Variants in PARD3B observed in about 807,000 individuals in gnomAD.
PARD3B encodes the protein par-3 family cell polarity regulator beta.
Under a neutral mutation model 130.2 loss-of-function variants are expected in PARD3B, and 103 were observed. The ratio of observed to expected loss-of-function variants is 0.79; its 90% confidence interval spans 0.67 to 0.93. The LOEUF is 0.93. PARD3B is among the 40% of genes least tolerant of loss of function. PARD3B has a pLI of 0.00. For missense variants in PARD3B, 1,609 were observed against 1,499.2 expected (o/e 1.07, Z -1.21); for synonymous variants, 583 against 553.2 (o/e 1.05, Z -0.76).
chr2:205,331,264 T>TA (rs1439036182), intron 18 of PARD3B, among the ~76,000 whole-genome samples: 18 of 43,056 alleles, frequency 4.2e-4, no homozygotes, highest in South Asian at 1.2e-3. Context: ...GCACATATAT[T>TA]CCACACACAC....
At chr2:205,507,007 G>C (rs1360761884) in intron 21 of PARD3B, among the ~76,000 whole-genome samples, 3 of 151,858 alleles carry the variant, frequency 2.0e-5, no homozygotes, top group Non-Finnish European at 4.4e-5. Flanking sequence ...ATTCTCAAGG[G>C]GCTACCTGAG....
rs562580533 is a variant in PARD3B at position 205,347,804 on chromosome 2, G to C, written c.2630+46103G>C. ...TGCCTGGTGATTTAGGAAGACGTGG[G>C]GAGTATTTGTAAACAAAGGAAGCTT... On this transcript the variant is annotated intron_variant, in intron 18 of 22. Transcript: ENST00000406610. 8.5e-5 allele frequency: 13 copies of C among 152,248 alleles called. No individual in the cohort carries two copies. In the South Asian group the frequency reaches 2.7e-3, roughly 32 times the overall value. The allele number at this position is 152,248 out of a possible 1,614,324, so 9.4% of individuals were successfully genotyped here.
At chr2:205,025,162 G>C (rs1696920452) in intron 3 of PARD3B, among the ~76,000 whole-genome samples, 1 of 152,164 alleles carries the variant, frequency 6.6e-6, no homozygotes, top group East Asian at 1.9e-4. Context: ...CCGATTTTAG[G>C]TCGGGCAAGA....
chr2:205,001,107 G>C (rs1004828583), intron 3 of PARD3B, among the ~76,000 whole-genome samples: 1 of 152,110 alleles, frequency 6.6e-6, no homozygotes, highest in South Asian at 2.1e-4. Context: ...TCCTGCCTCA[G>C]CCTCCCTAGT....
rs558684025 is a variant in PARD3B at position 204,924,239 on chromosome 2, A to G, written c.223-40913A>G. ...GAGAAAGGTTACCCAAGGATAACAT[A>G]GAACTAAAACATCATGGCTTTCACT... On this transcript the variant is annotated intron_variant, in intron 2 of 22. Transcript: ENST00000406610. 2.1e-3 allele frequency among the ~76,000 whole-genome samples: 326 copies of G among 152,172 alleles called. 1 individual carries two copies. Among genetic ancestry groups the G allele is most frequent in the Non-Finnish European group, 3.9e-3 (266 of 67,946 alleles).
intron 20 of PARD3B, among the ~76,000 whole-genome samples, chr2:205,469,665 C>T (rs1270244937): frequency 6.6e-6 from 1 of 152,188 alleles, no homozygotes; most frequent in East Asian, 1.9e-4. Context: ...TTGTAAATCT[C>T]TTCCTCACAC....
intron 2 of PARD3B, among the ~76,000 whole-genome samples, chr2:204,941,489 TG>T (rs1688901758): frequency 6.6e-6 from 1 of 152,252 alleles, no homozygotes; most frequent in Non-Finnish European, 1.5e-5. Context: ...ACTGGAATTT[TG>T]TTTTGTTTTC....
At chr2:204,667,927 G>T (rs2036100601) in intron 1 of PARD3B, among the ~76,000 whole-genome samples, 1 of 152,140 alleles carries the variant, frequency 6.6e-6, no homozygotes, top group Admixed American at 6.6e-5. Context: ...ATAAGAAAAA[G>T]TATGCCTAAC....
chr2:204,834,198 T>C (rs1029941833), intron 2 of PARD3B, among the ~76,000 whole-genome samples: 7 of 152,226 alleles, frequency 4.6e-5, no homozygotes, highest in African/African-American at 1.4e-4. Context: ...TTTTTATGTA[T>C]TTATTTGTGA....
chr2:205,137,302 A>C (rs190376213), intron 10 of PARD3B, among the ~76,000 whole-genome samples: 8 of 152,224 alleles, frequency 5.3e-5, no homozygotes, highest in African/African-American at 1.9e-4. Flanking sequence ...AGAAGAGAAA[A>C]AAGTTCCAGA....
chr2:204,846,493 C>T (rs561154250), intron 2 of PARD3B, among the ~76,000 whole-genome samples: 4 of 151,696 alleles, frequency 2.6e-5, no homozygotes, highest in African/African-American at 7.3e-5. Flanking sequence ...AAAGTTCATA[C>T]GTTGAAGCAT....
In PARD3B at chr2:205,590,474, G is replaced by A. The variant is rs559908378; in HGVS notation, c.3261-24982G>A. ...GATCATCTCAGGTTGCTTTTATCGC[G>A]GTATGTTTTTAACCATACACAATCA... On this transcript the variant is annotated intron_variant, in intron 22 of 22. Transcript: ENST00000406610. The surrounding 1 kb of genome is among the most constrained non-coding windows in gnomAD (Gnocchi z 4.1). Among the ~76,000 whole-genome samples the A allele has an allele frequency of 1.2e-4, 19 of 152,196 alleles. No individual in the cohort carries two copies. Among genetic ancestry groups the A allele is most frequent in the Non-Finnish European group, 2.4e-4 (16 of 68,014 alleles).
intron 2 of PARD3B, among the ~76,000 whole-genome samples, chr2:204,814,227 A>T (rs557790440): frequency 7.2e-5 from 11 of 151,988 alleles, no homozygotes; most frequent in African/African-American, 2.2e-4. Flanking sequence ...TATTGTACAT[A>T]TATTGCTTTT....
rs959169801 is a variant in PARD3B at position 205,544,132 on chromosome 2, G to T, written c.3181-9192G>T. Among the ~76,000 whole-genome samples the T allele has an allele frequency of 2.0e-5, 3 of 152,218 alleles. No individual in the cohort carries two copies. In the East Asian group the frequency reaches 5.8e-4, roughly 30 times the overall value. ...ATGAAACAGAAACTGAATTTAGTAAGTACTAGATATTAGCATCTAGTGATT... is the reference window on the plus strand; with the variant it reads ...ATGAAACAGAAACTGAATTTAGTAATTACTAGATATTAGCATCTAGTGATT... On this transcript the variant is annotated intron_variant, in intron 21 of 22. Transcript: ENST00000406610.
chr2:205,445,040 G>A (rs1035904075), intron 20 of PARD3B, among the ~76,000 whole-genome samples: 1 of 152,164 alleles, frequency 6.6e-6, no homozygotes, highest in Admixed American at 6.5e-5. Flanking sequence ...CAGAGTTATA[G>A]AATGGAAAAG....
At chr2:204,668,445 T>G (rs1312006460) in intron 1 of PARD3B, among the ~76,000 whole-genome samples, 1 of 152,194 alleles carries the variant, frequency 6.6e-6, no homozygotes, top group African/African-American at 2.4e-5. Flanking sequence ...TTTCCTTGAG[T>G]AAGATTCTCC....
intron 3 of PARD3B, among the ~76,000 whole-genome samples, chr2:205,030,743 A>C (rs13418029): frequency 0.077 from 11,691 of 152,202 alleles, 526 homozygotes; most frequent in Middle Eastern, 0.24. Context: ...AAGAGCTTAT[A>C]AAATTAGTAT....
rs555449154 is a variant in PARD3B at position 205,477,040 on chromosome 2, A to G, written c.3045-22856A>G. Reference sequence around the variant, plus strand: ...GATTCTATGTGAAGATGCACTTCAAACAAAATTCAGTAACTACATGTCTGG... The same window carrying G: ...GATTCTATGTGAAGATGCACTTCAAGCAAAATTCAGTAACTACATGTCTGG... On this transcript the variant is annotated intron_variant, in intron 20 of 22. Coordinates refer to ENST00000406610, the MANE Select transcript of PARD3B (RefSeq NM_001302769.2). Among the ~76,000 whole-genome samples the G allele has an allele frequency of 2.2e-4, 33 of 152,328 alleles. 1 individual carries two copies. Among genetic ancestry groups the G allele is most frequent in the South Asian group, 2.1e-4 (1 of 4,824 alleles).
chr2:204,896,729 G>A (rs1271284437), intron 2 of PARD3B, among the ~76,000 whole-genome samples: 1 of 152,174 alleles, frequency 6.6e-6, no homozygotes, highest in Non-Finnish European at 1.5e-5. Flanking sequence ...TAGAAAGGGA[G>A]TGGACAATAT....
Sources: gnomAD v4.1 joint callset for allele counts (sites outside exome capture counted in the v4.1 genomes callset) on GRCh38, gnomAD v4.1.1 for gene constraint, Gnocchi (gnomAD v3.1) non-coding constraint, MANE v1.5 for transcripts, NCBI Gene and HGNC (gene_info 2026-07-23, HGNC 2026-07-21) for gene names.